CHODL: variants seen among roughly 807,000 people sequenced by gnomAD.
CHODL encodes the protein chondrolectin.
In CHODL, 29 loss-of-function variants were observed where a neutral mutation model predicts 34.5. The observed-to-expected ratio is 0.84, with a 90% CI of 0.63 to 1.15. The LOEUF is 1.15. Among genes scored for constraint, CHODL ranks in the 50% most tolerant of loss-of-function variants. The pLI is 0.00. For missense variants in CHODL, 332 were observed against 332.5 expected (o/e 1.00, Z 0.01); for synonymous variants, 125 against 116.1 (o/e 1.08, Z -0.49).
intron 2 of CHODL, among the ~76,000 whole-genome samples, chr21:18,057,878 C>A (rs1354484041): frequency 6.6e-6 from 1 of 151,666 alleles, no homozygotes. Context: ...TCATGGAGTA[C>A]AAAATGATAT....
chr21:18,147,199 C>T (rs996380840), intron 2 of CHODL, among the ~76,000 whole-genome samples: 2 of 152,212 alleles, frequency 1.3e-5, no homozygotes, highest in African/African-American at 4.8e-5. Context: ...TGGAAGAGTA[C>T]ACTTGGTTAG....
chr21:18,083,753 T>G (rs1010339520), intron 2 of CHODL, among the ~76,000 whole-genome samples: 2 of 152,220 alleles, frequency 1.3e-5, no homozygotes, highest in African/African-American at 4.8e-5. Context: ...CAGTTCCTCC[T>G]ATTTGAAATG....
At chr21:17,968,074 A>G (rs1442536887) in intron 1 of CHODL, among the ~76,000 whole-genome samples, 2 of 152,174 alleles carry the variant, frequency 1.3e-5, no homozygotes, top group African/African-American at 4.8e-5. Flanking sequence ...TTCATGGCTA[A>G]ATTCCTTCAT....
At chr21:17,931,766 A>T (rs1360742648) in intron 1 of CHODL, among the ~76,000 whole-genome samples, 1 of 152,194 alleles carries the variant, frequency 6.6e-6, no homozygotes, top group Non-Finnish European at 1.5e-5. Context: ...CATGAATGAA[A>T]CTGGGCCTCT....
intron 2 of CHODL, among the ~76,000 whole-genome samples, chr21:18,064,496 T>C (rs766395437): frequency 6.6e-6 from 1 of 152,232 alleles, no homozygotes; most frequent in Non-Finnish European, 1.5e-5. Flanking sequence ...GTAAAAGGAA[T>C]TCCTGCTGTC....
At chr21:18,232,941 T>TTTTATATA (rs752640406) in intron 2 of CHODL, among the ~76,000 whole-genome samples, 31 of 97,602 alleles carry the variant, frequency 3.2e-4, no homozygotes, top group African/African-American at 8.0e-4. Flanking sequence ...CATGATGTTA[T>TTTTATATA]GATATATATA....
rs2073944532 is a variant in CHODL at position 18,227,835 on chromosome 21, A to G, written c.-44-28674A>G. Among the ~76,000 whole-genome samples, 3 of 152,176 alleles carry G rather than the reference A, an allele frequency of 2.0e-5. No homozygotes were observed. In the South Asian group the frequency reaches 6.2e-4, roughly 31 times the overall value. On this transcript the variant is annotated intron_variant, in intron 2 of 6. Coordinates refer to the CHODL transcript ENST00000400127. Reference sequence around the variant, plus strand: ...ATCTCTGCAATACTTTGTTGGGAATATTTTTCTGCAGGGAAAAATTATAGC... The same window carrying G: ...ATCTCTGCAATACTTTGTTGGGAATGTTTTTCTGCAGGGAAAAATTATAGC...
At chr21:18,264,200 G>A (rs1014966188) in intron 5 of CHODL, among the ~76,000 whole-genome samples, 3 of 152,064 alleles carry the variant, frequency 2.0e-5, no homozygotes, top group Admixed American at 1.3e-4. Flanking sequence ...ATGGGGAGAC[G>A]CCTGTGAGGA....
At chr21:18,169,222 T>C (rs1481098092) in intron 2 of CHODL, among the ~76,000 whole-genome samples, 2 of 152,128 alleles carry the variant, frequency 1.3e-5, no homozygotes, top group Admixed American at 1.3e-4. Flanking sequence ...AGATGTTTTA[T>C]TTTTTCTTGA....
chr21:17,947,540 CACAG>C (rs959626134), intron 1 of CHODL, among the ~76,000 whole-genome samples: 34 of 86,424 alleles, frequency 3.9e-4, no homozygotes, highest in South Asian at 2.4e-3. Context: ...GAAACACACA[CACAG>C]ACACACACAC....
At chr21:18,088,655 T>C (rs977894345) in intron 2 of CHODL, among the ~76,000 whole-genome samples, 2 of 152,216 alleles carry the variant, frequency 1.3e-5, no homozygotes, top group Non-Finnish European at 2.9e-5. Context: ...CTTCCCTTAC[T>C]TCTGTTGATT....
At chr21:18,032,702 C>CT (rs34699204) in intron 2 of CHODL, among the ~76,000 whole-genome samples, 2 of 151,772 alleles carry the variant, frequency 1.3e-5, no homozygotes, top group African/African-American at 2.4e-5. Context: ...CTCTTATTTC[C>CT]TTTTTTTTCC....
intron 2 of CHODL, among the ~76,000 whole-genome samples, chr21:18,226,118 A>G (rs1204769033): frequency 2.0e-5 from 3 of 152,178 alleles, no homozygotes; most frequent in Non-Finnish European, 4.4e-5. Context: ...CTTGTAAGGT[A>G]GCTCTTGTTA....
rs1160452921 is a variant in CHODL, at chr21:18,266,846, CA to C, written c.*812del. On this transcript the variant is annotated 3_prime_UTR_variant, in exon 6 of 6. Transcript: ENST00000299295. ...TAAACACTAATGCAGTCAATTTGAA[CA>C]AAAGAAGTGACATACACAATATAAA... is the stretch of plus-strand genomic sequence containing the variant. The C allele has an allele frequency of 6.6e-6, 1 of 152,562 alleles. No individual in the cohort carries two copies. The highest frequency in any genetic ancestry group is 6.6e-5 in the Admixed American group (1 of 15,262). The allele number at this position is 152,562 out of a possible 1,614,324, so 9.5% of individuals were successfully genotyped here. A position where few individuals can be genotyped will look rare whatever the true frequency, so the allele number is the denominator to read the frequency against.
In CHODL at chr21:18,097,819, G is replaced by T. The variant is rs974398189; in HGVS notation, c.-45+69848G>T. The stretch of plus-strand genomic sequence containing the variant: ...ATCACATTACTTGACTTAAAATTAT[G>T]CTATAGAGCTATAAAGAGTAAAACA... On this transcript the variant is annotated intron_variant, in intron 2 of 6. Coordinates refer to the CHODL transcript ENST00000400127. 2.0e-5 allele frequency among the ~76,000 whole-genome samples: 3 copies of T among 152,114 alleles called. No homozygotes were observed. In the East Asian group the frequency reaches 5.8e-4, roughly 29 times the overall value.
At chr21:17,994,600 C>T (rs1006195583) in intron 1 of CHODL, among the ~76,000 whole-genome samples, 5 of 152,084 alleles carry the variant, frequency 3.3e-5, no homozygotes, top group African/African-American at 7.2e-5. Flanking sequence ...TTTCCAGGCC[C>T]GTGGAGGTTG....
intron 1 of CHODL, among the ~76,000 whole-genome samples, chr21:17,992,310 T>C (rs2063803687): frequency 1.3e-5 from 2 of 152,192 alleles, no homozygotes; most frequent in Non-Finnish European, 1.5e-5. Flanking sequence ...TGGCATCTTT[T>C]TGTGGTTCCA....
chr21:18,245,295 G>T lies in CHODL; in HGVS notation c.72G>T (p.Val24=). Residue 24 remains valine, a synonymous_variant, in exon 1 of 6, where the codon GTG becomes GTT. Transcript: ENST00000299295. ...GCCACGGAGCCTTCTGCCGCCGCGT[G>T]GTCAGCGGTGAGTCAGGGGCCGTCT... The part of the protein sequence containing the change: ...LCGHGAFCRR[V]VSGQKVCFAD... 1 of 1,524,368 alleles carries T rather than the reference G, an allele frequency of 6.6e-7. No individual in the cohort carries two copies. Among genetic ancestry groups the T allele is most frequent in the South Asian group, 1.2e-5 (1 of 83,186 alleles). The allele number at this position is 1,524,368 out of a possible 1,614,324, so 94.4% of individuals were successfully genotyped here. A position where few individuals can be genotyped will look rare whatever the true frequency, so the allele number is the denominator to read the frequency against.
chr21:18,174,874 A>T (rs1439074565), intron 2 of CHODL, among the ~76,000 whole-genome samples: 1 of 152,238 alleles, frequency 6.6e-6, no homozygotes, highest in Non-Finnish European at 1.5e-5. Context: ...CATTTTAGCA[A>T]ATTCTTAGAG....
Sources: gnomAD v4.1 joint callset for allele counts (sites outside exome capture counted in the v4.1 genomes callset) on GRCh38, gnomAD v4.1.1 for gene constraint, MANE v1.5 for transcripts, NCBI Gene and HGNC (gene_info 2026-07-23, HGNC 2026-07-21) for gene names.